Variants in CCNK observed in about 807,000 individuals in gnomAD.
CCNK encodes the protein cyclin K.
CCNK carries 9 observed loss-of-function variants against 65.0 expected under a neutral mutation model. That is an observed-to-expected ratio of 0.14 (90% CI 0.08 to 0.24). CCNK has a LOEUF of 0.24. Ranked by LOEUF, CCNK falls within the 10% of genes least tolerant of loss-of-function variation. The pLI, the probability that CCNK is intolerant of heterozygous loss-of-function variation, is 1.00. For synonymous variants in CCNK, 279 were observed against 270.8 expected (o/e 1.03, Z -0.30); for missense variants, 474 against 720.0 (o/e 0.66, Z 3.91).
chr14:99,490,618 G>T (rs1443117653), intron 1 of CCNK, among the ~76,000 whole-genome samples: 2 of 151,770 alleles, frequency 1.3e-5, no homozygotes, highest in African/African-American at 4.8e-5. Flanking sequence ...AATATTTTTT[G>T]AATTACTTTA....
chr14:99,488,913 CTTT>C (rs78061502), intron 1 of CCNK, among the ~76,000 whole-genome samples: 2 of 141,480 alleles, frequency 1.4e-5, no homozygotes, highest in African/African-American at 2.6e-5. Flanking sequence ...GCTCCTATGT[CTTT>C]TTTTTTTTTT....
chr14:99,501,856 A>G (rs1191067761), intron 6 of CCNK: 1 of 233,178 alleles, frequency 4.3e-6, no homozygotes, highest in African/African-American at 2.3e-5. Flanking sequence ...CAGTCAGTGA[A>G]GCTTCTCTTA....
chr14:99,500,001 T>C (rs952626473), intron 4 of CCNK, among the ~76,000 whole-genome samples: 1 of 152,184 alleles, frequency 6.6e-6, no homozygotes, highest in African/African-American at 2.4e-5. Flanking sequence ...CAGAAACTGT[T>C]TGAAAAAGAG....
intron 9 of CCNK, chr14:99,505,801 G>A (rs1896959313): frequency 6.6e-6 from 1 of 152,234 alleles, no homozygotes; most frequent in South Asian, 2.1e-4. Context: ...AAGCTGCAGT[G>A]AGCCATGATT....
chr14:99,487,587 G>A (rs1306061064), intron 1 of CCNK, among the ~76,000 whole-genome samples: 1 of 152,224 alleles, frequency 6.6e-6, no homozygotes, highest in Non-Finnish European at 1.5e-5. Context: ...TTGAGCAGAA[G>A]AAACCAAATG....
chr14:99,507,005 A>G lies in CCNK; in HGVS notation c.1046-71A>G, dbSNP rs1351443196. Reference sequence around the variant, plus strand: ...CTCCCAAAGAAATCTCTGCCAGTACATTTTTCTTTATGACATGCTTATTCA... The same window carrying G: ...CTCCCAAAGAAATCTCTGCCAGTACGTTTTTCTTTATGACATGCTTATTCA... On this transcript the variant is annotated intron_variant, in intron 9 of 10. Transcript: ENST00000389879. 15 of 935,852 alleles carry G rather than the reference A, an allele frequency of 1.6e-5. No homozygotes were observed. In the East Asian group the frequency reaches 3.1e-4, roughly 19 times the overall value. The allele number at this position is 935,852 out of a possible 1,614,324, so 58.0% of individuals were successfully genotyped here.
intron 7 of CCNK, 100 bp downstream of exon 7, chr14:99,502,476 T>G: frequency 6.8e-7 from 1 of 1,467,404 alleles, no homozygotes; most frequent in Non-Finnish European, 9.1e-7. Context: ...CAGATAGACA[T>G]ATGTGAGCAA....
chr14:99,507,017 G>T, intron 9 of CCNK, 59 bp from the exon 10 acceptor site: 1 of 1,000,962 alleles, frequency 1.0e-6, no homozygotes. Flanking sequence ...TTTTCTTTAT[G>T]ACATGCTTAT....
At position 99,488,277 on chromosome 14, in the gene CCNK, T is replaced by A. The variant is rs1438243261; in HGVS notation, c.-52-4349T>A. Reference sequence around the variant, plus strand: ...CAAATTGTTTGAAATTTCTTTTTTTTAAAAAAAAAAAAAAAGCAGGATCTA... The same window carrying A: ...CAAATTGTTTGAAATTTCTTTTTTTAAAAAAAAAAAAAAAAGCAGGATCTA... On this transcript the variant is annotated intron_variant, in intron 1 of 10. Coordinates refer to ENST00000389879, the MANE Select transcript of CCNK (RefSeq NM_001099402.2). Among the ~76,000 whole-genome samples the A allele has an allele frequency of 2.3e-3, 324 of 142,892 alleles. 1 individual carries two copies. Among genetic ancestry groups the A allele is most frequent in the East Asian group, 4.2e-3 (21 of 4,984 alleles). The allele number at this position is 142,892 out of a possible 152,430, so 93.7% of individuals were successfully genotyped here.
At chr14:99,491,708 A>G (rs1400015799) in intron 1 of CCNK, among the ~76,000 whole-genome samples, 1 of 152,226 alleles carries the variant, frequency 6.6e-6, no homozygotes, top group Non-Finnish European at 1.5e-5. Context: ...ATACACAGAA[A>G]AGGTTAGGTT....
intron 2 of CCNK, among the ~76,000 whole-genome samples, 197 bp from the exon 3 acceptor site, chr14:99,493,317 A>G (rs1210061640): frequency 6.6e-6 from 1 of 152,230 alleles, no homozygotes; most frequent in Non-Finnish European, 1.5e-5. Flanking sequence ...AAGGGTGTTA[A>G]AAGTATAAAA....
rs766500297 is a variant in CCNK at position 99,495,497 on chromosome 14, G to A, written c.280-1G>A. On this transcript the variant is annotated splice_acceptor_variant, in intron 3 of 10. Coordinates refer to ENST00000389879, the MANE Select transcript of CCNK (RefSeq NM_001099402.2). LOFTEE classifies it high-confidence loss of function. ...ATCAAGAACTTTTGTTTCCCTTTTA[G>A]GTGACAGGAGCCTGTTGCCTCTTTC... is the stretch of plus-strand genomic sequence containing the variant. 1 of 1,607,510 alleles carries A rather than the reference G, an allele frequency of 6.2e-7. No homozygotes were observed. Among genetic ancestry groups the A allele is most frequent in the Non-Finnish European group, 8.5e-7 (1 of 1,178,072 alleles).
chr14:99,503,561 C>CA, intron 8 of CCNK, 50 bp from the exon 9 acceptor site: 1 of 1,495,262 alleles, frequency 6.7e-7, no homozygotes, highest in Non-Finnish European at 9.1e-7. Flanking sequence ...ATTTTTTTCT[C>CA]ATCATACTCA....
At chr14:99,484,364 C>T (rs1252376680) in intron 1 of CCNK, among the ~76,000 whole-genome samples, 1 of 152,246 alleles carries the variant, frequency 6.6e-6, no homozygotes, top group Non-Finnish European at 1.5e-5. Flanking sequence ...CCACCCCCCT[C>T]CCATGTGCTA....
intron 3 of CCNK, chr14:99,493,967 T>C (rs1322515335): frequency 1.2e-5 from 2 of 170,772 alleles, no homozygotes; most frequent in African/African-American, 4.8e-5. Context: ...AGACGTGCAT[T>C]GTGTCTTACT....
At chr14:99,486,950 G>A (rs1302634261) in intron 1 of CCNK, among the ~76,000 whole-genome samples, 1 of 152,164 alleles carries the variant, frequency 6.6e-6, no homozygotes, top group African/African-American at 2.4e-5. Context: ...CCACTAGAAT[G>A]TAAGCTTCCT....
chr14:99,500,248 C>T (rs1411832933), intron 4 of CCNK: 1 of 152,084 alleles, frequency 6.6e-6, no homozygotes, highest in Non-Finnish European at 1.5e-5. Context: ...ATTGATTTGC[C>T]CCCATTTGCA....
At chr14:99,485,824 C>G (rs766471543) in intron 1 of CCNK, among the ~76,000 whole-genome samples, 9 of 152,008 alleles carry the variant, frequency 5.9e-5, no homozygotes, top group Non-Finnish European at 8.8e-5. Context: ...TGCATTCCAG[C>G]CTGGATGACA....
In CCNK at chr14:99,510,150, C is replaced by A. The variant is rs1381117959; in HGVS notation, c.1118-7C>A. 1 of 1,592,926 alleles carries A rather than the reference C, an allele frequency of 6.3e-7. No individual in the cohort carries two copies. Among genetic ancestry groups the A allele is most frequent in the Non-Finnish European group, 8.5e-7 (1 of 1,173,596 alleles). On this transcript the variant is annotated splice_polypyrimidine_tract_variant and splice_region_variant and intron_variant, in intron 10 of 10. Coordinates refer to ENST00000389879, the MANE Select transcript of CCNK (RefSeq NM_001099402.2). The stretch of plus-strand genomic sequence containing the variant: ...AGGCCGGGCACTGATGCGTCTCTCT[C>A]CTGCAGACCGGAAGCCTCCCCTCGC...
Sources: allele counts gnomAD v4.1 joint callset (sites outside exome capture counted in the v4.1 genomes callset), GRCh38; gene constraint gnomAD v4.1.1; transcripts MANE v1.5; gene names NCBI Gene and HGNC (gene_info 2026-07-23, HGNC 2026-07-21).